NRXN3: variants seen among roughly 807,000 people sequenced by gnomAD.
The protein encoded by NRXN3 is neurexin III.
NRXN3 carries 32 observed loss-of-function variants against 137.6 expected under a neutral mutation model. That is an observed-to-expected ratio of 0.23 (90% CI 0.18 to 0.31). The LOEUF (loss-of-function observed/expected upper bound fraction) is 0.31, where lower values mean the gene tolerates loss of function less well. Ranked by LOEUF, NRXN3 falls within the 10% of genes least tolerant of loss-of-function variation. The pLI, the probability that NRXN3 is intolerant of heterozygous loss-of-function variation, is 1.00. For missense variants in NRXN3, 1,574 were observed against 2,062.5 expected (o/e 0.76, Z 4.59); for synonymous variants, 798 against 784.5 (o/e 1.02, Z -0.29).
chr14:78,575,101 C>A (rs938198759), intron 4 of NRXN3, among the ~76,000 whole-genome samples: 9 of 152,212 alleles, frequency 5.9e-5, no homozygotes, highest in African/African-American at 2.2e-4. Context: ...GGCACTCATT[C>A]TGTCCCCTGC....
intron 15 of NRXN3, among the ~76,000 whole-genome samples, chr14:79,223,812 C>T (rs754414951): frequency 1.3e-5 from 2 of 152,072 alleles, no homozygotes; most frequent in Non-Finnish European, 2.9e-5. Context: ...AAAGTGGTTG[C>T]CTCTCAGTGC....
chr14:78,354,703 G>A (rs1356126878), intron 4 of NRXN3, among the ~76,000 whole-genome samples: 3 of 152,222 alleles, frequency 2.0e-5, no homozygotes, highest in Non-Finnish European at 4.4e-5. Flanking sequence ...TACCATGCCT[G>A]AAAGATGTGT....
At chr14:79,325,861 C>T (rs142154810) in intron 15 of NRXN3, among the ~76,000 whole-genome samples, 35 of 152,130 alleles carry the variant, frequency 2.3e-4, no homozygotes, top group African/African-American at 8.4e-4. Context: ...AAGACAGGGC[C>T]ATCGTGAGAT....
intron 4 of NRXN3, among the ~76,000 whole-genome samples, chr14:78,626,008 C>T (rs1193357105): frequency 6.6e-6 from 1 of 152,168 alleles, no homozygotes; most frequent in Admixed American, 6.5e-5. Context: ...ATAGTCCAGG[C>T]AAGGAGGTAA....
chr14:78,891,607 C>G (rs1011390729), intron 10 of NRXN3, among the ~76,000 whole-genome samples: 2 of 151,882 alleles, frequency 1.3e-5, no homozygotes, highest in Non-Finnish European at 2.9e-5. Context: ...TTATATTCAC[C>G]ACAAATGAAC....
intron 19 of NRXN3, among the ~76,000 whole-genome samples, chr14:79,733,677 T>G (rs993795867): frequency 3.2e-4 from 43 of 133,454 alleles, no homozygotes; most frequent in Middle Eastern, 9.0e-3. Flanking sequence ...TGTTGTTGTT[T>G]TTTTTTTTTT....
chr14:78,488,652 T>C (rs1472283756), intron 4 of NRXN3, among the ~76,000 whole-genome samples: 1 of 151,892 alleles, frequency 6.6e-6, no homozygotes, highest in East Asian at 1.9e-4. Flanking sequence ...GGGAAATTTT[T>C]CATGTTTGTT....
chr14:79,142,042 A>AATG (rs1343457594), intron 15 of NRXN3, among the ~76,000 whole-genome samples: 6 of 152,206 alleles, frequency 3.9e-5, no homozygotes, highest in African/African-American at 7.2e-5. Flanking sequence ...ATGAAAAAGC[A>AATG]ATGAGATTCT....
chr14:79,279,994 C>T (rs1430229695), intron 15 of NRXN3: 1 of 1,187,504 alleles, frequency 8.4e-7, no homozygotes, highest in Non-Finnish European at 1.0e-6. Context: ...CTTCCCCTGA[C>T]ATGCGTGGCA....
At chr14:78,408,566 G>A (rs763345839) in intron 4 of NRXN3, among the ~76,000 whole-genome samples, 1 of 152,162 alleles carries the variant, frequency 6.6e-6, no homozygotes, top group Non-Finnish European at 1.5e-5. Context: ...TACTCAGGGT[G>A]CCTTTCCTCT....
chr14:79,036,473 T>G (rs1483871227), intron 15 of NRXN3, among the ~76,000 whole-genome samples: 2 of 151,888 alleles, frequency 1.3e-5, no homozygotes, highest in African/African-American at 4.8e-5. Flanking sequence ...CCTAGATGAG[T>G]TATGGGTGAA....
chr14:79,144,827 T>C (rs1440647092), intron 15 of NRXN3, among the ~76,000 whole-genome samples: 2 of 152,122 alleles, frequency 1.3e-5, no homozygotes, highest in Non-Finnish European at 2.9e-5. Flanking sequence ...TTTTCTTCCC[T>C]CTATTTCTTC....
intron 20 of NRXN3, among the ~76,000 whole-genome samples, chr14:79,807,685 G>A (rs1460219876): frequency 6.6e-6 from 1 of 152,182 alleles, no homozygotes; most frequent in African/African-American, 2.4e-5. Flanking sequence ...GGGAGCATGA[G>A]AGGAGATAAA....
At chr14:78,531,543 AG>A (rs1430845034) in intron 4 of NRXN3, among the ~76,000 whole-genome samples, 1 of 152,202 alleles carries the variant, frequency 6.6e-6, no homozygotes, top group Non-Finnish European at 1.5e-5. Context: ...TTTTTACAAA[AG>A]GGCTCATGAT....
rs190811467 is a variant in NRXN3, at chr14:78,707,149, T to G, written c.1222-2068T>G. Among the ~76,000 whole-genome samples the G allele has an allele frequency of 6.2e-4, 94 of 152,336 alleles. 2 individuals carry two copies. The highest frequency in any genetic ancestry group is 8.8e-5 in the Non-Finnish European group (6 of 68,040). The stretch of plus-strand genomic sequence containing the variant: ...CTTCACATGTTTTAAATCATTTTAT[T>G]ATTACAAAATAAATAGTTTGTTTAT... On this transcript the variant is annotated intron_variant, in intron 6 of 20. Transcript: ENST00000335750.
chr14:78,305,827 A>G (rs933668608), intron 4 of NRXN3, among the ~76,000 whole-genome samples: 1 of 152,168 alleles, frequency 6.6e-6, no homozygotes, highest in East Asian at 1.9e-4. Flanking sequence ...CTTGACAGTG[A>G]ATATAAAATC....
chr14:79,771,320 C>CA (rs879011882), intron 19 of NRXN3, among the ~76,000 whole-genome samples: 2 of 151,896 alleles, frequency 1.3e-5, no homozygotes, highest in African/African-American at 4.8e-5. Flanking sequence ...GAGACACAAC[C>CA]AAAAAAGAGA....
chr14:78,738,390 C>T (rs8015857), intron 8 of NRXN3, among the ~76,000 whole-genome samples: 18,193 of 152,106 alleles, frequency 0.12, 1,742 homozygotes, highest in African/African-American at 0.25. Flanking sequence ...AGCCTTGGTC[C>T]GTCACTTCCA....
At chr14:79,109,953 C>T (rs1327392565) in intron 15 of NRXN3, among the ~76,000 whole-genome samples, 1 of 151,750 alleles carries the variant, frequency 6.6e-6, no homozygotes, top group Non-Finnish European at 1.5e-5. Flanking sequence ...CACTTGTTCC[C>T]CTCAACTTAA....
Sources: gnomAD v4.1 joint callset for allele counts (sites outside exome capture counted in the v4.1 genomes callset) on GRCh38, gnomAD v4.1.1 for gene constraint, MANE v1.5 for transcripts, NCBI Gene and HGNC (gene_info 2026-07-23, HGNC 2026-07-21) for gene names.